Variants in PDE4D observed in about 807,000 individuals in gnomAD.
PDE4D encodes the protein 3',5'-cyclic-AMP phosphodiesterase 4D.
A neutral mutation model predicts 87.4 loss-of-function variants in PDE4D; 24 were observed. That is an observed-to-expected ratio of 0.27 (90% CI 0.20 to 0.39). The LOEUF is 0.39. Among genes scored for constraint, PDE4D ranks in the 10% least tolerant of loss-of-function variants. The probability of loss-of-function intolerance (pLI) is 1.00; values close to 1 mark genes in which losing one functional copy is unlikely to be tolerated. For synonymous variants in PDE4D, 384 were observed against 383.2 expected, an observed-to-expected ratio of 1.00 and a Z score of -0.02; for missense variants, 714 against 1,041.0, an observed-to-expected ratio of 0.69 and a Z score of 4.32.
chr5:59,504,182 A>C (rs776559255), intron 1 of PDE4D, among the ~76,000 whole-genome samples: 1 of 152,204 alleles, frequency 6.6e-6, no homozygotes, highest in Non-Finnish European at 1.5e-5. Flanking sequence ...GATACAGAGT[A>C]ATATAGGGCC....
At chr5:59,752,086 T>C (rs1760564914) in intron 1 of PDE4D, among the ~76,000 whole-genome samples, 1 of 152,162 alleles carries the variant, frequency 6.6e-6, no homozygotes, top group South Asian at 2.1e-4. Context: ...TGGCAACTAT[T>C]GTTTTATGGT....
chr5:60,366,892 T>A (rs571829033), intron 1 of PDE4D, among the ~76,000 whole-genome samples: 6 of 152,318 alleles, frequency 3.9e-5, no homozygotes, highest in African/African-American at 1.2e-4. Context: ...TGAATTTTTT[T>A]ATCAGTTACT....
intron 2 of PDE4D, among the ~76,000 whole-genome samples, chr5:60,035,983 A>G (rs556612444): frequency 4.0e-4 from 61 of 152,352 alleles, no homozygotes; most frequent in South Asian, 1.2e-3. Context: ...TGCTCTTCAC[A>G]GTTTGCTTAG....
At chr5:60,351,599 C>G (rs370367574) in intron 1 of PDE4D, among the ~76,000 whole-genome samples, 11 of 152,174 alleles carry the variant, frequency 7.2e-5, no homozygotes, top group African/African-American at 2.6e-4. Flanking sequence ...CCATGATGAC[C>G]TTGCAGAATT....
intron 1 of PDE4D, among the ~76,000 whole-genome samples, chr5:59,849,495 A>G (rs138845063): frequency 4.6e-5 from 7 of 152,138 alleles, no homozygotes; most frequent in Admixed American, 3.9e-4. Flanking sequence ...ACAGGCTCCT[A>G]GAAAATATGA....
intron 1 of PDE4D, among the ~76,000 whole-genome samples, chr5:59,848,590 A>G (rs918268684): frequency 6.6e-6 from 1 of 152,070 alleles, no homozygotes; most frequent in Non-Finnish European, 1.5e-5. Context: ...TATATGTAGA[A>G]AATAAAGGAA....
chr5:59,669,290 T>G (rs565315150), intron 1 of PDE4D, among the ~76,000 whole-genome samples: 2 of 152,260 alleles, frequency 1.3e-5, no homozygotes, highest in East Asian at 3.9e-4. Flanking sequence ...ATTTTGTATT[T>G]TTGGTAGATA....
intron 1 of PDE4D, among the ~76,000 whole-genome samples, chr5:59,426,084 C>T (rs565003056): frequency 6.6e-6 from 1 of 152,178 alleles, no homozygotes; most frequent in East Asian, 1.9e-4. Flanking sequence ...CCAGCGATGC[C>T]TGCGCACAGA....
intron 1 of PDE4D, among the ~76,000 whole-genome samples, chr5:59,820,509 C>A (rs1028312593): frequency 6.6e-6 from 1 of 152,212 alleles, no homozygotes; most frequent in African/African-American, 2.4e-5. Flanking sequence ...TACAAACAAT[C>A]TGGGTTTCTA....
chr5:60,245,029 A>G (rs1158150186), intron 1 of PDE4D, among the ~76,000 whole-genome samples: 4 of 152,006 alleles, frequency 2.6e-5, no homozygotes, highest in African/African-American at 9.7e-5. Context: ...GGGAGAAAAT[A>G]TTTGCAAACT....
At chr5:59,509,908 A>C (rs1160070569) in intron 1 of PDE4D, among the ~76,000 whole-genome samples, 1 of 147,376 alleles carries the variant, frequency 6.8e-6, no homozygotes, top group Non-Finnish European at 1.5e-5. Flanking sequence ...TAAATTATAT[A>C]AACTTATATA....
intron 1 of PDE4D, chr5:59,275,234 C>A: frequency 1.1e-6 from 1 of 892,058 alleles, no homozygotes. Context: ...GCCAATACTG[C>A]CTTCTTTCAC....
Position 59,052,359 on chromosome 5 carries a change from G to A in PDE4D, c.809-13388C>T, listed in dbSNP as rs1489642040. Among the ~76,000 whole-genome samples, 5 of 152,306 alleles carry A rather than the reference G, an allele frequency of 3.3e-5. No homozygotes were observed. In the East Asian group the frequency reaches 9.7e-4, roughly 29 times the overall value. On this transcript the variant is annotated intron_variant, in intron 5 of 14. Transcript: ENST00000340635. ...TGCAGCCTGAATAAAGGTTGTATGT[G>A]TGGACAGTAAATGGGCTGGGTGGAG...
At chr5:59,909,304 A>G (rs1480456013) in intron 3 of PDE4D, among the ~76,000 whole-genome samples, 4 of 152,174 alleles carry the variant, frequency 2.6e-5, no homozygotes. Flanking sequence ...AACCCTTAAC[A>G]GGGAGATTAT....
chr5:59,180,718 A>G, intron 4 of PDE4D, 74 bp from the exon 5 acceptor site: 1 of 1,305,856 alleles, frequency 7.7e-7, no homozygotes, highest in Non-Finnish European at 1.1e-6. Flanking sequence ...GAGTCATTTC[A>G]GATATAGCAT....
chr5:59,959,039 T>C (rs1759174398), intron 3 of PDE4D, among the ~76,000 whole-genome samples: 1 of 151,964 alleles, frequency 6.6e-6, no homozygotes, highest in Non-Finnish European at 1.5e-5. Context: ...CATTTCTATA[T>C]ACCAGTGACA....
chr5:59,391,940 A>G (rs960316831), intron 1 of PDE4D, among the ~76,000 whole-genome samples: 1 of 148,354 alleles, frequency 6.7e-6, no homozygotes, highest in East Asian at 1.9e-4. Context: ...ATATATAAAT[A>G]AATATATATT....
intron 1 of PDE4D, among the ~76,000 whole-genome samples, chr5:59,828,344 T>C (rs1209841740): frequency 1.3e-5 from 2 of 152,052 alleles, no homozygotes; most frequent in Admixed American, 1.3e-4. Context: ...GCTAAGGATT[T>C]GGGAGTGAGG....
At chr5:60,404,823 G>A (rs1228195806) in intron 1 of PDE4D, among the ~76,000 whole-genome samples, 1 of 152,206 alleles carries the variant, frequency 6.6e-6, no homozygotes, top group East Asian at 1.9e-4. Context: ...GTTGGAAAGA[G>A]ACCAGTTTGC....
Sources: allele counts gnomAD v4.1 joint callset (sites outside exome capture counted in the v4.1 genomes callset), GRCh38; gene constraint gnomAD v4.1.1; transcripts MANE v1.5; gene names NCBI Gene and HGNC (gene_info 2026-07-23, HGNC 2026-07-21).